The following FGF14 variants were observed in gnomAD, a reference collection of about 807,000 sequenced individuals.
FGF14 encodes the protein fibroblast growth factor homologous factor 4.
Under a neutral mutation model 25.5 loss-of-function variants are expected in FGF14, and 5 were observed. That is an observed-to-expected ratio of 0.20 (90% CI 0.10 to 0.41). The LOEUF (loss-of-function observed/expected upper bound fraction) is 0.41. FGF14 is among the 10% of genes least tolerant of loss of function. FGF14 has a pLI of 1.00. For missense variants in FGF14, 222 were observed against 320.1 expected, an observed-to-expected ratio of 0.69 and a Z score of 2.34; for synonymous variants, 138 against 118.3, an observed-to-expected ratio of 1.17 and a Z score of -1.08.
At chr13:101,885,938 C>T (rs1405932429) in intron 1 of FGF14, among the ~76,000 whole-genome samples, 1 of 152,090 alleles carries the variant, frequency 6.6e-6, no homozygotes, top group African/African-American at 2.4e-5. Flanking sequence ...TACAGCTTTG[C>T]AGGGGATAGA....
chr13:101,720,883 G>C lies in FGF14; in HGVS notation c.*1948C>G, dbSNP rs2034928409. The C allele has an allele frequency of 6.6e-6, 1 of 152,182 alleles. No homozygotes were observed. The highest frequency in any genetic ancestry group is 2.1e-4 in the South Asian group (1 of 4,814). 9.4% of individuals were successfully genotyped at this position (152,182 alleles called of 1,614,324 possible). A position where few individuals can be genotyped will look rare whatever the true frequency, so the allele number is the denominator to read the frequency against. On this transcript the variant is annotated 3_prime_UTR_variant, in exon 5 of 5. Coordinates refer to ENST00000376143, the MANE Select transcript of FGF14 (RefSeq NM_004115.4). ...TGCTAACTTTTTATTTATTCAAGTAGAATCCAATATGAAAATGAAATAAGC... is the reference window on the plus strand; with the variant it reads ...TGCTAACTTTTTATTTATTCAAGTACAATCCAATATGAAAATGAAATAAGC...
chr13:101,865,993 C>G (rs1039041821), intron 3 of FGF14, among the ~76,000 whole-genome samples: 3 of 152,004 alleles, frequency 2.0e-5, no homozygotes, highest in Admixed American at 2.0e-4. Flanking sequence ...AAAATTTACT[C>G]ATCTTAGTTC....
At chr13:101,927,179 G>A (rs960225152) in intron 1 of FGF14, among the ~76,000 whole-genome samples, 10 of 152,116 alleles carry the variant, frequency 6.6e-5, no homozygotes, top group African/African-American at 2.4e-4. Context: ...GGTACCCAAT[G>A]GTTAAAAGAA....
chr13:101,733,881 CAT>C (rs1304853411), intron 3 of FGF14, among the ~76,000 whole-genome samples: 3 of 151,376 alleles, frequency 2.0e-5, no homozygotes, highest in South Asian at 4.2e-4. Flanking sequence ...ATATTTATTA[CAT>C]GTTTTATAAC....
intron 1 of FGF14, among the ~76,000 whole-genome samples, chr13:101,931,169 C>T (rs561094804): frequency 5.6e-4 from 85 of 152,264 alleles, no homozygotes; most frequent in African/African-American, 1.9e-3. Context: ...CTGACGTTGA[C>T]CCACCCAGGA....
At chr13:102,128,261 G>A (rs986462742) in intron 1 of FGF14, among the ~76,000 whole-genome samples, 2 of 131,756 alleles carry the variant, frequency 1.5e-5, no homozygotes, top group Non-Finnish European at 1.8e-5. Flanking sequence ...CCCATACTAG[G>A]AGCTCAGTAG....
chr13:102,068,633 G>T (rs926831645), intron 1 of FGF14, among the ~76,000 whole-genome samples: 3 of 152,234 alleles, frequency 2.0e-5, no homozygotes, highest in African/African-American at 7.2e-5. Flanking sequence ...GGCTGCAGAG[G>T]GTGTACTGGG....
intron 1 of FGF14, among the ~76,000 whole-genome samples, chr13:102,247,219 G>A (rs1218623709): frequency 6.6e-6 from 1 of 152,000 alleles, no homozygotes; most frequent in Non-Finnish European, 1.5e-5. Context: ...CTCAACAAAA[G>A]CAAACCTTGA....
chr13:102,372,014 T>C (rs1288891402), intron 1 of FGF14, among the ~76,000 whole-genome samples: 2 of 152,196 alleles, frequency 1.3e-5, no homozygotes, highest in Non-Finnish European at 2.9e-5. Flanking sequence ...ATCAGATAAG[T>C]AGGAAGATGT....
chr13:102,401,838 C>G (rs965949775), upstream of FGF14: 3 of 684,330 alleles, frequency 4.4e-6, no homozygotes, highest in Admixed American at 4.9e-5. Flanking sequence ...AGAAAAAATC[C>G]TTTTTCAGCA....
intron 1 of FGF14, among the ~76,000 whole-genome samples, chr13:101,885,079 C>T (rs2045923590): frequency 6.6e-6 from 1 of 152,094 alleles, no homozygotes; most frequent in Non-Finnish European, 1.5e-5. Context: ...ACATGGAAAC[C>T]TATTGCAGTC....
chr13:102,244,993 T>A (rs149660095), intron 1 of FGF14, among the ~76,000 whole-genome samples: 212 of 152,240 alleles, frequency 1.4e-3, no homozygotes, highest in African/African-American at 5.0e-3. Flanking sequence ...ACTAACTACC[T>A]CTAATCAACA....
chr13:102,394,099 G>C (rs1051244211), intron 1 of FGF14, among the ~76,000 whole-genome samples: 58 of 152,308 alleles, frequency 3.8e-4, no homozygotes, highest in African/African-American at 1.4e-3. Flanking sequence ...TTCAGGACCC[G>C]CCCAGGGTCT....
At chr13:102,344,570 A>T (rs1267940073) in intron 1 of FGF14, among the ~76,000 whole-genome samples, 10 of 152,252 alleles carry the variant, frequency 6.6e-5, no homozygotes, top group African/African-American at 2.2e-4. Flanking sequence ...CCTGTTTGAT[A>T]TAAGACAACC....
At chr13:102,152,914 C>T (rs939023322) in intron 1 of FGF14, among the ~76,000 whole-genome samples, 27 of 152,222 alleles carry the variant, frequency 1.8e-4, no homozygotes, top group African/African-American at 6.0e-4. Context: ...TTTTTGGCTG[C>T]TTGGGAAACC....
At chr13:102,157,293 C>CTGG in intron 1 of FGF14, among the ~76,000 whole-genome samples, 1 of 152,308 alleles carries the variant, frequency 6.6e-6, no homozygotes, top group South Asian at 2.1e-4. Context: ...CAGCATGGTA[C>CTGG]TGGTACCAAA....
intron 1 of FGF14, among the ~76,000 whole-genome samples, chr13:102,150,484 T>TA (rs1955142191): frequency 6.6e-6 from 1 of 152,166 alleles, no homozygotes; most frequent in Non-Finnish European, 1.5e-5. Context: ...CATTCTCACT[T>TA]ACGTTATTCC....
Position 101,717,527 on chromosome 13 carries a change from C to T in FGF14, c.*5304G>A, listed in dbSNP as rs2034770828. On this transcript the variant is annotated 3_prime_UTR_variant, in exon 5 of 5. Transcript: ENST00000376143. Reference sequence around the variant, plus strand: ...TTTTGATGACGTATTCGCTGATGCACAGACATTGGAATTCATTACATTATC... The same window carrying T: ...TTTTGATGACGTATTCGCTGATGCATAGACATTGGAATTCATTACATTATC... The T allele has an allele frequency of 6.6e-6, 1 of 152,136 alleles. No homozygotes were observed. The highest frequency in any genetic ancestry group is 2.1e-4 in the South Asian group (1 of 4,828). The allele number at this position is 152,136 out of a possible 1,614,324, so 9.4% of individuals were successfully genotyped here.
chr13:102,169,117 C>T (rs1268222157), intron 1 of FGF14, among the ~76,000 whole-genome samples: 5 of 150,892 alleles, frequency 3.3e-5, no homozygotes, highest in East Asian at 1.9e-4. Flanking sequence ...TTGTAAGATT[C>T]GTAAGCTTTA....
Sources: gnomAD v4.1 joint callset for allele counts (sites outside exome capture counted in the v4.1 genomes callset) on GRCh38, gnomAD v4.1.1 for gene constraint, MANE v1.5 for transcripts, NCBI Gene and HGNC (gene_info 2026-07-23, HGNC 2026-07-21) for gene names.